Variants in PLCL2 observed in about 807,000 individuals in gnomAD.
The protein encoded by PLCL2 is inactive phospholipase C-like protein 2.
PLCL2 carries 4 observed loss-of-function variants against 79.6 expected under a neutral mutation model. The observed-to-expected ratio is 0.05, with a 90% CI of 0.02 to 0.11. PLCL2 has a LOEUF of 0.11. Ranked by LOEUF, PLCL2 falls within the 10% of genes least tolerant of loss-of-function variation. The probability of loss-of-function intolerance (pLI) is 1.00; values close to 1 mark genes in which losing one functional copy is unlikely to be tolerated. For synonymous variants in PLCL2, 484 were observed against 457.7 expected (o/e 1.06, Z -0.73); for missense variants, 895 against 1,291.0 (o/e 0.69, Z 4.70).
chr3:17,080,288 C>T (rs1178915398), intron 5 of PLCL2, among the ~76,000 whole-genome samples: 1 of 152,096 alleles, frequency 6.6e-6, no homozygotes, highest in African/African-American at 2.4e-5. Context: ...TTTACTGAGA[C>T]TTCAGTGGGA....
At chr3:17,084,995 C>T (rs1283976656) in intron 5 of PLCL2, among the ~76,000 whole-genome samples, 2 of 152,126 alleles carry the variant, frequency 1.3e-5, no homozygotes, top group African/African-American at 4.8e-5. Flanking sequence ...AAAACTGTCT[C>T]TGTTCACAGA....
Position 17,011,329 on chromosome 3 carries a change from A to G in PLCL2, c.1983A>G (p.Pro661=). 1.2e-6 allele frequency: 2 copies of G among 1,614,192 alleles called. No individual in the cohort carries two copies. The highest frequency in any genetic ancestry group is 1.7e-6 in the Non-Finnish European group (2 of 1,180,002). Residue 661 remains proline (P), a synonymous_variant, in exon 2 of 6, where the codon CCA becomes CCG. Transcript: ENST00000615277. This position sits in a 1 kb window ranked among gnomAD's most constrained non-coding sequence, Gnocchi z 7.9. ...VLASKYANEN[P]GDFVNYNKRF... ...CCAGCAAGTACGCCAATGAAAATCC[A>G]GGGGACTTTGTAAATTACAACAAAC... is the stretch of plus-strand genomic sequence containing the variant.
At chr3:17,076,257 C>T (rs1391565997) in intron 5 of PLCL2, among the ~76,000 whole-genome samples, 2 of 151,980 alleles carry the variant, frequency 1.3e-5, no homozygotes, top group African/African-American at 4.8e-5. Context: ...TAAAAAATAT[C>T]TGACTGACTC....
chr3:16,946,696 T>G (rs1201025097), intron 1 of PLCL2, among the ~76,000 whole-genome samples: 1 of 152,176 alleles, frequency 6.6e-6, no homozygotes, highest in East Asian at 1.9e-4. Context: ...TTTTTTCATT[T>G]TGCTTTTCTA....
chr3:16,942,993 C>T (rs1446590322), intron 1 of PLCL2, among the ~76,000 whole-genome samples: 1 of 152,176 alleles, frequency 6.6e-6, no homozygotes, highest in Non-Finnish European at 1.5e-5. Flanking sequence ...TGTTGTCCAG[C>T]TAGATTGAAT....
In PLCL2 at chr3:17,010,281, T is replaced by G. The variant is rs772017357; in HGVS notation, c.935T>G (p.Phe312Cys). Residue 312 changes from phenylalanine (F) to cysteine (C), a missense_variant, in exon 2 of 6, where the codon TTC becomes TGC. Physicochemically the swap from Phe to Cys is radical, Grantham distance 205 (BLOSUM62 -2). Coordinates refer to ENST00000615277, the MANE Select transcript of PLCL2 (RefSeq NM_001144382.2). This position sits in a 1 kb window ranked among gnomAD's most constrained non-coding sequence, Gnocchi z 5.8. ...GLKTSKIELK[F>C]KELHKSKDKA... ...AAAACGAGCAAAATTGAGCTTAAGT[T>G]CAAAGAATTGCATAAATCAAAGGAC... 1.9e-6 allele frequency: 3 copies of G among 1,614,048 alleles called. No homozygotes were observed. In the South Asian group the frequency reaches 3.3e-5, roughly 18 times the overall value.
At chr3:17,023,217 A>G (rs1232799008) in intron 3 of PLCL2, among the ~76,000 whole-genome samples, 2 of 152,226 alleles carry the variant, frequency 1.3e-5, no homozygotes, top group Non-Finnish European at 2.9e-5. Flanking sequence ...AGAAAGCTGC[A>G]AGAGCCAGCT....
At chr3:17,020,810 G>GT (rs997010142) in intron 3 of PLCL2, among the ~76,000 whole-genome samples, 1 of 152,040 alleles carries the variant, frequency 6.6e-6, no homozygotes, top group Non-Finnish European at 1.5e-5. Context: ...TGAAATGAAG[G>GT]TTTTTTTCCT....
chr3:17,039,653 C>T (rs2064698719), intron 3 of PLCL2, among the ~76,000 whole-genome samples: 1 of 152,186 alleles, frequency 6.6e-6, no homozygotes, highest in African/African-American at 2.4e-5. Context: ...AGTTTTCTGC[C>T]TGCCTTGTCT....
intron 3 of PLCL2, among the ~76,000 whole-genome samples, chr3:17,018,409 C>G (rs1411378586): frequency 6.6e-6 from 1 of 152,162 alleles, no homozygotes; most frequent in African/African-American, 2.4e-5. Context: ...AGCTCAGTGT[C>G]CTTAAGTACT....
intron 5 of PLCL2, among the ~76,000 whole-genome samples, chr3:17,073,760 A>G (rs1222910394): frequency 6.6e-6 from 1 of 152,208 alleles, no homozygotes; most frequent in Non-Finnish European, 1.5e-5. Context: ...ATCTCAAGAA[A>G]CCACTTTCTT....
chr3:17,047,831 T>A (rs2064797027), intron 4 of PLCL2, among the ~76,000 whole-genome samples: 1 of 152,192 alleles, frequency 6.6e-6, no homozygotes. Context: ...GTGTTAATAG[T>A]TAAATTCCAT....
chr3:16,941,295 A>G (rs375505819), intron 1 of PLCL2, among the ~76,000 whole-genome samples: 5 of 152,298 alleles, frequency 3.3e-5, no homozygotes, highest in African/African-American at 1.2e-4. Context: ...CCACTGTTGC[A>G]TTAGCCTCTT....
chr3:16,914,317 A>G (rs569762325), intron 1 of PLCL2, among the ~76,000 whole-genome samples: 3 of 152,344 alleles, frequency 2.0e-5, no homozygotes, highest in African/African-American at 7.2e-5. Flanking sequence ...AGGGAGCAAC[A>G]TATTCAATTT....
At chr3:17,061,148 A>G (rs2064949233) in intron 4 of PLCL2, among the ~76,000 whole-genome samples, 2 of 152,248 alleles carry the variant, frequency 1.3e-5, no homozygotes, top group African/African-American at 4.8e-5. Flanking sequence ...CCCAACCAGA[A>G]TGTTTGAAAG....
intron 1 of PLCL2, among the ~76,000 whole-genome samples, chr3:16,940,247 C>T (rs1418915070): frequency 1.3e-5 from 2 of 152,186 alleles, no homozygotes; most frequent in African/African-American, 2.4e-5. Flanking sequence ...ACTAGAATGA[C>T]TTTCCTTGCA....
At chr3:16,954,286 T>G (rs571884948) in intron 1 of PLCL2, among the ~76,000 whole-genome samples, 1 of 152,170 alleles carries the variant, frequency 6.6e-6, no homozygotes, top group Non-Finnish European at 1.5e-5. Flanking sequence ...GTTTGGTTTT[T>G]TGTCCTTGCG....
intron 3 of PLCL2, among the ~76,000 whole-genome samples, chr3:17,030,000 A>G (rs150264162): frequency 3.0e-4 from 45 of 152,286 alleles, no homozygotes; most frequent in African/African-American, 7.5e-4. Flanking sequence ...GTGAACACCT[A>G]TGCACAAGAC....
At chr3:16,988,025 T>G (rs1037580010) in intron 1 of PLCL2, among the ~76,000 whole-genome samples, 5 of 152,192 alleles carry the variant, frequency 3.3e-5, no homozygotes, top group Admixed American at 6.5e-5. Context: ...ATTTCATTAG[T>G]AACCAGAGAA....
Sources: gnomAD v4.1 joint callset for allele counts (sites outside exome capture counted in the v4.1 genomes callset) on GRCh38, gnomAD v4.1.1 for gene constraint, Gnocchi (gnomAD v3.1) non-coding constraint, MANE v1.5 for transcripts, NCBI Gene and HGNC (gene_info 2026-07-23, HGNC 2026-07-21) for gene names.